CPEB3: variants seen among roughly 807,000 people sequenced by gnomAD.
CPEB3 encodes the protein cytoplasmic polyadenylation element binding protein 3.
A neutral mutation model predicts 67.2 loss-of-function variants in CPEB3; 20 were observed. The observed-to-expected ratio is 0.30, with a 90% CI of 0.21 to 0.43. CPEB3 has a LOEUF of 0.43. Ranked by LOEUF, CPEB3 falls within the 20% of genes least tolerant of loss-of-function variation. CPEB3 has a pLI of 1.00. For missense variants in CPEB3, 746 were observed against 968.6 expected (o/e 0.77, Z 3.05); for synonymous variants, 376 against 393.1 (o/e 0.96, Z 0.51).
Position 92,289,732 on chromosome 10 carries a change from A to AAAAAATAT in CPEB3, c.-12+1193_-12+1194insATATTTTT. The stretch of plus-strand genomic sequence containing the variant: ...CGCGTCTCTACCAAAAAAAAAAAAA[A>AAAAAATAT]ATATATATATATATATATATATATA... On this transcript the variant is annotated intron_variant, in intron 1 of 9. Coordinates refer to ENST00000265997, the MANE Select transcript of CPEB3 (RefSeq NM_014912.5). Among the ~76,000 whole-genome samples the AAAAAATAT allele has an allele frequency of 1.5e-4, 11 of 75,760 alleles. 1 individual carries two copies. The highest frequency in any genetic ancestry group is 3.8e-4 in the Admixed American group (2 of 5,318). 49.7% of individuals were successfully genotyped at this position (75,760 alleles called of 152,430 possible).
In CPEB3 at chr10:92,239,313, G is replaced by A; in HGVS notation, c.1005+33C>T. On this transcript the variant is annotated intron_variant, in intron 2 of 9. Coordinates refer to ENST00000265997, the MANE Select transcript of CPEB3 (RefSeq NM_014912.5). This position sits in a 1 kb window ranked among gnomAD's most constrained non-coding sequence, Gnocchi z 6.0. The stretch of plus-strand genomic sequence containing the variant: ...GAAGTGGCAAAAGGAGCGGGGCAGA[G>A]GGAAGGAGTGTGTAGGTGCAGCAGA... The A allele has an allele frequency of 1.3e-6, 2 of 1,588,188 alleles. No individual in the cohort carries two copies. Among genetic ancestry groups the A allele is most frequent in the Non-Finnish European group, 1.7e-6 (2 of 1,166,518 alleles).
At chr10:92,220,505 G>T in intron 2 of CPEB3, among the ~76,000 whole-genome samples, 1 of 112,172 alleles carries the variant, frequency 8.9e-6, no homozygotes, top group African/African-American at 3.4e-5. Context: ...ATCCCACCCA[G>T]ATAACTTTTT....
At chr10:92,066,718 G>A (rs1169606588) in intron 9 of CPEB3, among the ~76,000 whole-genome samples, 1 of 152,032 alleles carries the variant, frequency 6.6e-6, no homozygotes, top group South Asian at 2.1e-4. Flanking sequence ...CTAAAGCAGG[G>A]CCTCCACCAA....
At chr10:92,125,037 T>A (rs1845550195) in intron 6 of CPEB3, among the ~76,000 whole-genome samples, 1 of 152,196 alleles carries the variant, frequency 6.6e-6, no homozygotes, top group Admixed American at 6.5e-5. Flanking sequence ...TGCATAAACT[T>A]CCACAACTAC....
chr10:92,052,859 A>G (rs1195655099), intron 9 of CPEB3, among the ~76,000 whole-genome samples: 2 of 152,226 alleles, frequency 1.3e-5, no homozygotes, highest in Non-Finnish European at 2.9e-5. Flanking sequence ...AATGCAGGCA[A>G]AGAAGAACAT....
chr10:92,061,756 C>T (rs975688152), intron 9 of CPEB3, among the ~76,000 whole-genome samples: 4 of 151,988 alleles, frequency 2.6e-5, no homozygotes, highest in African/African-American at 9.7e-5. Flanking sequence ...ATGAATAAGA[C>T]CTACTATTTC....
At chr10:92,117,181 ACCTGG>A (rs1845075768) in intron 6 of CPEB3, among the ~76,000 whole-genome samples, 1 of 150,200 alleles carries the variant, frequency 6.7e-6, no homozygotes, top group Non-Finnish European at 1.5e-5. Flanking sequence ...CCGCCACCAT[ACCTGG>A]CAAATTTTTG....
At chr10:92,215,150 G>T (rs1295028027) in intron 2 of CPEB3, among the ~76,000 whole-genome samples, 1 of 145,260 alleles carries the variant, frequency 6.9e-6, no homozygotes, top group Non-Finnish European at 1.5e-5. Context: ...GCCAAGCCAA[G>T]ATTTTTTTTT....
chr10:92,258,102 C>T (rs1564913639), intron 1 of CPEB3, among the ~76,000 whole-genome samples: 2 of 141,804 alleles, frequency 1.4e-5, no homozygotes, highest in African/African-American at 5.2e-5. Context: ...TTTTTCTTTC[C>T]TTTTTTTTTT....
intron 7 of CPEB3, among the ~76,000 whole-genome samples, chr10:92,108,917 C>G (rs1299479727): frequency 6.6e-6 from 1 of 152,166 alleles, no homozygotes; most frequent in Non-Finnish European, 1.5e-5. Flanking sequence ...CTGCTCACTC[C>G]CTGCTCAAGA....
At position 92,239,893 on chromosome 10, in the gene CPEB3, G is replaced by A. The variant is rs780447442; in HGVS notation, c.458C>T (p.Pro153Leu). The change falls in exon 2 of 10, where the codon CCG becomes CTG. Residue 153 changes from proline (P) to leucine (L), a missense_variant. Pro to Leu is a moderately conservative substitution (Grantham distance 98). Coordinates refer to ENST00000265997, the MANE Select transcript of CPEB3 (RefSeq NM_014912.5). The surrounding 1 kb of genome is among the most constrained non-coding windows in gnomAD (Gnocchi z 6.0). Reference protein sequence around the residue: ...VNPVFGGTFSPQIGLAQTQHH... With the variant: ...VNPVFGGTFSLQIGLAQTQHH... ...CTGGGTCTGCGCCAGGCCGATCTGC[G>A]GGGAGAAAGTGCCTCCGAAGACTGG... 1.2e-6 allele frequency: 2 copies of A among 1,611,754 alleles called. No individual in the cohort carries two copies. Among genetic ancestry groups the A allele is most frequent in the Non-Finnish European group, 1.7e-6 (2 of 1,179,028 alleles).
At chr10:92,153,650 G>A (rs1394151482) in intron 4 of CPEB3, among the ~76,000 whole-genome samples, 1 of 152,112 alleles carries the variant, frequency 6.6e-6, no homozygotes, top group Non-Finnish European at 1.5e-5. Context: ...GCATGGTGGT[G>A]CGTGCCTGTA....
intron 6 of CPEB3, among the ~76,000 whole-genome samples, chr10:92,122,296 G>GCACAGGC (rs1260835115): frequency 6.6e-6 from 1 of 152,196 alleles, no homozygotes; most frequent in Non-Finnish European, 1.5e-5. Context: ...TCAGGAAGGT[G>GCACAGGC]CACAGGCCAC....
At chr10:92,089,257 C>A (rs1280417223) in intron 8 of CPEB3, among the ~76,000 whole-genome samples, 1 of 152,032 alleles carries the variant, frequency 6.6e-6, no homozygotes, top group African/African-American at 2.4e-5. Flanking sequence ...ATAAAAGTTG[C>A]AGATGTTAAC....
At chr10:92,230,608 T>A (rs1332293447) in intron 2 of CPEB3, among the ~76,000 whole-genome samples, 1 of 152,180 alleles carries the variant, frequency 6.6e-6, no homozygotes, top group Non-Finnish European at 1.5e-5. Flanking sequence ...AATGCAAATA[T>A]TGGAATGGTT....
At chr10:92,138,511 A>G (rs1846227347) in intron 6 of CPEB3, 1 of 146,120 alleles carries the variant, frequency 6.8e-6, no homozygotes, top group Admixed American at 6.9e-5. Context: ...TTTGAGGCAA[A>G]AAAAAAAAAA....
intron 4 of CPEB3, among the ~76,000 whole-genome samples, chr10:92,149,176 T>C (rs993971994): frequency 2.0e-5 from 3 of 152,218 alleles, no homozygotes; most frequent in Non-Finnish European, 4.4e-5. Context: ...GTTGGGATTA[T>C]AGGTGTGAGC....
intron 1 of CPEB3, among the ~76,000 whole-genome samples, chr10:92,285,299 G>A (rs1212719449): frequency 6.6e-6 from 1 of 152,064 alleles, no homozygotes; most frequent in African/African-American, 2.4e-5. Context: ...GAGACACAGT[G>A]TCACTCGGTT....
Position 92,240,209 on chromosome 10 carries a change from C to G in CPEB3, c.142G>C (p.Glu48Gln). Reference protein sequence around the residue: ...TPLSSETPKPEENSAVPALSP... With the variant: ...TPLSSETPKPQENSAVPALSP... The stretch of plus-strand genomic sequence containing the variant: ...AGGGCCGGCACTGCGCTGTTTTCCT[C>G]CGGCTTGGGGGTCTCTGAGGAGAGG... The change falls in exon 2 of 10, where the codon GAG becomes CAG. Residue 48 changes from glutamate to glutamine, a missense_variant. By Grantham distance (29) the Glu-to-Gln change is conservative. Transcript: ENST00000265997. The G allele has an allele frequency of 6.6e-7, 1 of 1,513,180 alleles. No homozygotes were observed. Among genetic ancestry groups the G allele is most frequent in the Non-Finnish European group, 8.9e-7 (1 of 1,127,848 alleles). The allele number at this position is 1,513,180 out of a possible 1,614,324, so 93.7% of individuals were successfully genotyped here. A position where few individuals can be genotyped will look rare whatever the true frequency, so the allele number is the denominator to read the frequency against.
Sources: gnomAD v4.1 joint callset for allele counts (sites outside exome capture counted in the v4.1 genomes callset) on GRCh38, gnomAD v4.1.1 for gene constraint, Gnocchi (gnomAD v3.1) non-coding constraint, MANE v1.5 for transcripts, NCBI Gene and HGNC (gene_info 2026-07-23, HGNC 2026-07-21) for gene names.